The following GRID2 variants were observed in gnomAD, a reference collection of about 807,000 sequenced individuals.
GRID2 encodes the protein glutamate receptor ionotropic, delta-2.
GRID2 carries 33 observed loss-of-function variants against 114.8 expected under a neutral mutation model. That is an observed-to-expected ratio of 0.29 (90% CI 0.22 to 0.38). The LOEUF (loss-of-function observed/expected upper bound fraction) is 0.38, where lower values mean the gene tolerates loss of function less well. Ranked by LOEUF, GRID2 falls within the 10% of genes least tolerant of loss-of-function variation. The pLI is 1.00. For synonymous variants in GRID2, 505 were observed against 449.9 expected (o/e 1.12, Z -1.55); for missense variants, 1,184 against 1,257.7 (o/e 0.94, Z 0.89).
intron 1 of GRID2, among the ~76,000 whole-genome samples, chr4:92,342,253 A>G (rs1727533529): frequency 6.6e-6 from 1 of 152,186 alleles, no homozygotes; most frequent in Non-Finnish European, 1.5e-5. Flanking sequence ...CTTAACATCC[A>G]GTTGGAGAAA....
At chr4:92,969,453 T>A (rs558253222) in intron 2 of GRID2, among the ~76,000 whole-genome samples, 16 of 151,870 alleles carry the variant, frequency 1.1e-4, no homozygotes, top group African/African-American at 3.9e-4. Context: ...TGGGGATCCA[T>A]GTTATATAAT....
chr4:93,626,715 G>A (rs1489241134), intron 14 of GRID2, among the ~76,000 whole-genome samples: 1 of 152,182 alleles, frequency 6.6e-6, no homozygotes, highest in Non-Finnish European at 1.5e-5. Context: ...AGGTGTGTTA[G>A]TAATTTCTAT....
At position 92,676,096 on chromosome 4, in the gene GRID2, G is replaced by GTTTT. The variant is rs71853421; in HGVS notation, c.244+85813_244+85816dup. 4.5e-3 allele frequency among the ~76,000 whole-genome samples: 624 copies of GTTTT among 137,406 alleles called. 3 individuals carry two copies. Among genetic ancestry groups the GTTTT allele is most frequent in the African/African-American group, 0.016 (579 of 37,154 alleles). The allele number at this position is 137,406 out of a possible 152,430, so 90.1% of individuals were successfully genotyped here. ...AATATAACTAGCACTTTTTAAAATA[G>GTTTT]TTTTTTGTTTGAATCAGTATTTAAA... On this transcript the variant is annotated intron_variant, in intron 2 of 15. Transcript: ENST00000282020.
In GRID2 at chr4:92,865,685, A is replaced by C. The variant is rs146178703; in HGVS notation, c.245-219310A>C. Among the ~76,000 whole-genome samples the C allele has an allele frequency of 2.9e-3, 444 of 152,346 alleles. 3 individuals carry two copies. The highest frequency in any genetic ancestry group is 0.01 in the African/African-American group (418 of 41,588). On this transcript the variant is annotated intron_variant, in intron 2 of 15. Coordinates refer to ENST00000282020, the MANE Select transcript of GRID2 (RefSeq NM_001510.4). ...TTGGCCAATTTGATATAGAGTACAA[A>C]AATAAGATCCCGTGTGTTTTTCAAA...
intron 2 of GRID2, among the ~76,000 whole-genome samples, chr4:92,978,437 T>C (rs1300551517): frequency 1.3e-5 from 2 of 152,096 alleles, no homozygotes; most frequent in Non-Finnish European, 2.9e-5. Context: ...ATCTGGAACA[T>C]AGCAGACACT....
At chr4:92,623,018 G>C (rs1730347170) in intron 2 of GRID2, among the ~76,000 whole-genome samples, 1 of 151,586 alleles carries the variant, frequency 6.6e-6, no homozygotes, top group South Asian at 2.1e-4. Flanking sequence ...TCACTATTGG[G>C]AATCTTTTGA....
intron 2 of GRID2, among the ~76,000 whole-genome samples, chr4:92,892,606 C>T (rs1201158625): frequency 6.6e-6 from 1 of 152,014 alleles, no homozygotes; most frequent in Admixed American, 6.6e-5. Context: ...GAGATTAGGC[C>T]ACAAATATTA....
rs576533285 is a variant in GRID2 at position 92,775,382 on chromosome 4, A to G, written c.244+185096A>G. 4.6e-5 allele frequency among the ~76,000 whole-genome samples: 7 copies of G among 152,298 alleles called. No homozygotes were observed. In the South Asian group the frequency reaches 1.5e-3, roughly 32 times the overall value. On this transcript the variant is annotated intron_variant, in intron 2 of 15. Transcript: ENST00000282020. ...ACAAAAACAAAATTATCGATGACAG[A>G]AAAACCATCAAGTGCAAGTAACTTG...
In GRID2 at chr4:92,883,757, G is replaced by T. The variant is rs1746178923; in HGVS notation, c.245-201238G>T. Among the ~76,000 whole-genome samples, 5 of 152,094 alleles carry T rather than the reference G, an allele frequency of 3.3e-5. No homozygotes were observed. In the South Asian group the frequency reaches 8.3e-4, roughly 25 times the overall value. On this transcript the variant is annotated intron_variant, in intron 2 of 15. Transcript: ENST00000282020. ...AAGTTATACTGTTTTCTGAACACTT[G>T]GTTTTGAACAGTGGGTTTAAAATAT...
chr4:92,776,467 G>A (rs183183310), intron 2 of GRID2, among the ~76,000 whole-genome samples: 30 of 152,064 alleles, frequency 2.0e-4, no homozygotes, highest in Admixed American at 6.6e-5. Flanking sequence ...CAGAAGGGTC[G>A]GTGTGAGTGT....
intron 9 of GRID2, among the ~76,000 whole-genome samples, chr4:93,406,917 C>T (rs1341003001): frequency 2.6e-5 from 4 of 152,134 alleles, no homozygotes; most frequent in Non-Finnish European, 5.9e-5. Flanking sequence ...GACGAAAAAA[C>T]GTCACAGAAA....
At position 93,246,535 on chromosome 4, in the gene GRID2, C is replaced by T. The variant is rs372486972; in HGVS notation, c.1245+8045C>T. Among the ~76,000 whole-genome samples the T allele has an allele frequency of 8.8e-5, 13 of 147,904 alleles. No homozygotes were observed. The East Asian group carries it at 1.4e-3, about 16-fold the overall frequency. ...CTGGGAGGCAGAGCTTGCAGTGAGCCGAGATTGGGCCATTGCACTCCAGCT... is the reference window on the plus strand; with the variant it reads ...CTGGGAGGCAGAGCTTGCAGTGAGCTGAGATTGGGCCATTGCACTCCAGCT... On this transcript the variant is annotated intron_variant, in intron 8 of 15. Coordinates refer to ENST00000282020, the MANE Select transcript of GRID2 (RefSeq NM_001510.4).
intron 2 of GRID2, among the ~76,000 whole-genome samples, chr4:92,750,559 T>A (rs1403302326): frequency 6.6e-6 from 1 of 152,186 alleles, no homozygotes; most frequent in Non-Finnish European, 1.5e-5. Context: ...TCAACAAGTA[T>A]TTGTGATTCC....
intron 12 of GRID2, among the ~76,000 whole-genome samples, chr4:93,503,578 C>A (rs1426663769): frequency 6.7e-6 from 1 of 149,714 alleles, no homozygotes; most frequent in Non-Finnish European, 1.5e-5. Flanking sequence ...ATGCGGTGTT[C>A]GGTTTTTTGT....
At chr4:93,208,324 G>A (rs1312581496) in intron 5 of GRID2, among the ~76,000 whole-genome samples, 2 of 151,876 alleles carry the variant, frequency 1.3e-5, no homozygotes, top group African/African-American at 2.4e-5. Flanking sequence ...GTCTTAACAT[G>A]GATATCAGCT....
intron 14 of GRID2, among the ~76,000 whole-genome samples, chr4:93,657,831 A>T (rs1723154113): frequency 6.6e-6 from 1 of 152,204 alleles, no homozygotes; most frequent in South Asian, 2.1e-4. Flanking sequence ...CTATAGCTAG[A>T]TTGCCTAAGG....
intron 2 of GRID2, among the ~76,000 whole-genome samples, chr4:92,800,270 A>G (rs1290351608): frequency 6.6e-6 from 1 of 151,974 alleles, no homozygotes; most frequent in East Asian, 1.9e-4. Flanking sequence ...AATGTCAGTA[A>G]CAAAGACAAC....
chr4:93,249,536 C>G (rs938013635), intron 8 of GRID2, among the ~76,000 whole-genome samples: 1 of 151,968 alleles, frequency 6.6e-6, no homozygotes, highest in Non-Finnish European at 1.5e-5. Context: ...TGTTTGTGTC[C>G]TCTCTTATTT....
At chr4:92,649,870 T>A (rs1195105102) in intron 2 of GRID2, among the ~76,000 whole-genome samples, 1 of 152,046 alleles carries the variant, frequency 6.6e-6, no homozygotes, top group East Asian at 1.9e-4. Context: ...CTGGTGATCT[T>A]ATGTCTCTGT....
Sources: allele counts gnomAD v4.1 joint callset (sites outside exome capture counted in the v4.1 genomes callset), GRCh38; gene constraint gnomAD v4.1.1; transcripts MANE v1.5; gene names NCBI Gene and HGNC (gene_info 2026-07-23, HGNC 2026-07-21).